The following ZMYND8 variants were observed in gnomAD, a reference collection of about 807,000 sequenced individuals.
The protein encoded by ZMYND8 is MYND-type zinc finger-containing chromatin reader ZMYND8.
ZMYND8 carries 37 observed loss-of-function variants against 140.8 expected under a neutral mutation model. The observed-to-expected ratio is 0.26, with a 90% CI of 0.20 to 0.35. The LOEUF (loss-of-function observed/expected upper bound fraction) is 0.35, where lower values mean the gene tolerates loss of function less well. ZMYND8 is among the 10% of genes least tolerant of loss of function. ZMYND8 has a pLI of 1.00. For synonymous variants in ZMYND8, 592 were observed against 597.1 expected, an observed-to-expected ratio of 0.99 and a Z score of 0.12; for missense variants, 1,068 against 1,570.0, an observed-to-expected ratio of 0.68 and a Z score of 5.40.
chr20:47,219,928 C>G (rs2036691976), intron 21 of ZMYND8, among the ~76,000 whole-genome samples: 1 of 152,068 alleles, frequency 6.6e-6, no homozygotes, highest in Non-Finnish European at 1.5e-5. Context: ...TCTCATTTCC[C>G]TGAGAGAGAG....
At chr20:47,219,942 A>G (rs1238021715) in intron 21 of ZMYND8, among the ~76,000 whole-genome samples, 2 of 151,426 alleles carry the variant, frequency 1.3e-5, no homozygotes, top group Non-Finnish European at 3.0e-5. Context: ...GAGAGAGAGA[A>G]AAAAAAAACT....
intron 4 of ZMYND8, among the ~76,000 whole-genome samples, chr20:47,296,083 C>T (rs2077617454): frequency 6.6e-6 from 1 of 152,048 alleles, no homozygotes; most frequent in African/African-American, 2.4e-5. Context: ...CTACCACAGC[C>T]TTGCAACGTT....
rs73912742 is a variant in ZMYND8 at position 47,224,190 on chromosome 20, G to C, written c.3256+127C>G. ...CTGTGTGTAAGACACAATTGTTTTT[G>C]AGTGAAAGTGTCCAGAAGCCAGGCA... On this transcript the variant is annotated intron_variant, in intron 19 of 22. Transcript: ENST00000471951. 1,706 of 1,455,014 alleles carry C rather than the reference G, an allele frequency of 1.2e-3. 10 individuals are homozygous for C. In the African/African-American group the frequency reaches 0.021, roughly 18 times the overall value. The allele number at this position is 1,455,014 out of a possible 1,614,324, so 90.1% of individuals were successfully genotyped here. A position where few individuals can be genotyped will look rare whatever the true frequency, so the allele number is the denominator to read the frequency against.
At chr20:47,354,449 T>G (rs1282880691) in intron 1 of ZMYND8, 1 of 152,212 alleles carries the variant, frequency 6.6e-6, no homozygotes, top group African/African-American at 2.4e-5. Flanking sequence ...AGAAAATAGC[T>G]GAGTGTCTGA....
At chr20:47,269,660 A>G (rs999447801) in intron 11 of ZMYND8, among the ~76,000 whole-genome samples, 1 of 152,258 alleles carries the variant, frequency 6.6e-6, no homozygotes, top group Non-Finnish European at 1.5e-5. Context: ...TGACTACAGT[A>G]GGAAACATGA....
At chr20:47,352,142 C>G (rs553720134) in intron 1 of ZMYND8, among the ~76,000 whole-genome samples, 95 of 152,252 alleles carry the variant, frequency 6.2e-4, no homozygotes, top group African/African-American at 2.3e-3. Flanking sequence ...CAAAAATGTT[C>G]CCAGGGAGCA....
chr20:47,314,480 AAGAG>A (rs1334871611), intron 2 of ZMYND8, among the ~76,000 whole-genome samples: 1 of 152,204 alleles, frequency 6.6e-6, no homozygotes, highest in Non-Finnish European at 1.5e-5. Flanking sequence ...GCCTGGGCGA[AAGAG>A]AGAGACTCCA....
At chr20:47,214,283 T>A (rs2035734553) in intron 21 of ZMYND8, among the ~76,000 whole-genome samples, 1 of 152,222 alleles carries the variant, frequency 6.6e-6, no homozygotes, top group Non-Finnish European at 1.5e-5. Context: ...ACTGCTTTGG[T>A]GAGAAAATCG....
chr20:47,273,858 A>G (rs755612229), intron 11 of ZMYND8, among the ~76,000 whole-genome samples: 2 of 152,198 alleles, frequency 1.3e-5, no homozygotes, highest in African/African-American at 2.4e-5. Flanking sequence ...AATACATACT[A>G]TCTAGCCCCT....
intron 2 of ZMYND8, among the ~76,000 whole-genome samples, chr20:47,316,492 A>C (rs2079407580): frequency 6.6e-6 from 1 of 151,822 alleles, no homozygotes; most frequent in Admixed American, 6.6e-5. Context: ...AGCCAAGAGT[A>C]TGAAGAGCTA....
At chr20:47,218,408 G>C (rs2036445148) in intron 21 of ZMYND8, among the ~76,000 whole-genome samples, 1 of 152,100 alleles carries the variant, frequency 6.6e-6, no homozygotes, top group Admixed American at 6.6e-5. Context: ...CACATCCATA[G>C]TCCTCTTACA....
intron 22 of ZMYND8, among the ~76,000 whole-genome samples, chr20:47,211,249 G>A (rs2035213148): frequency 6.6e-6 from 1 of 152,202 alleles, no homozygotes; most frequent in African/African-American, 2.4e-5. Flanking sequence ...AGCACCCCAT[G>A]CACTTCTGGG....
At chr20:47,303,664 C>T (rs2078254523) in intron 3 of ZMYND8, among the ~76,000 whole-genome samples, 1 of 152,040 alleles carries the variant, frequency 6.6e-6, no homozygotes, top group Admixed American at 6.5e-5. Flanking sequence ...CCACTGCACT[C>T]CAGCCTGTGT....
rs186473215 is a variant in ZMYND8 at position 47,260,199 on chromosome 20, A to C, written c.1621+2089T>G. On this transcript the variant is annotated intron_variant, in intron 12 of 22. Transcript: ENST00000471951. ...CACCCCAACCCCAGGTGTGACAACC[A>C]AAAATGTCTCCAAACATTGCCAGTG... 3.1e-3 allele frequency among the ~76,000 whole-genome samples: 470 copies of C among 152,236 alleles called. 2 individuals are homozygous for C. The highest frequency in any genetic ancestry group is 5.2e-3 in the Non-Finnish European group (354 of 67,998).
At chr20:47,318,413 G>A (rs975317739) in intron 2 of ZMYND8, 2 of 332,950 alleles carry the variant, frequency 6.0e-6, no homozygotes, top group African/African-American at 2.2e-5. Context: ...TACCCAAACA[G>A]GCCTCCCTTC....
intron 12 of ZMYND8, among the ~76,000 whole-genome samples, chr20:47,258,838 C>T (rs1423113469): frequency 1.3e-5 from 2 of 152,156 alleles, no homozygotes; most frequent in Non-Finnish European, 2.9e-5. Flanking sequence ...GCACTTCCAT[C>T]GGTCCCTAGC....
At chr20:47,216,071 G>A (rs926474969) in intron 21 of ZMYND8, among the ~76,000 whole-genome samples, 4 of 152,220 alleles carry the variant, frequency 2.6e-5, no homozygotes, top group Admixed American at 2.6e-4. Flanking sequence ...GAGGGCAGAG[G>A]AGCAGCCCTG....
intron 11 of ZMYND8, among the ~76,000 whole-genome samples, chr20:47,275,998 A>G (rs1411460062): frequency 6.6e-6 from 1 of 152,222 alleles, no homozygotes; most frequent in Non-Finnish European, 1.5e-5. Context: ...AATTTCAACT[A>G]AAACAAAATT....
intron 12 of ZMYND8, among the ~76,000 whole-genome samples, chr20:47,255,722 G>GTA (rs369654557): frequency 0.021 from 1,576 of 76,532 alleles, 24 homozygotes; most frequent in Non-Finnish European, 0.026. Context: ...GTGTATGTGT[G>GTA]TATATATATA....
Sources: gnomAD v4.1 joint callset for allele counts (sites outside exome capture counted in the v4.1 genomes callset) on GRCh38, gnomAD v4.1.1 for gene constraint, MANE v1.5 for transcripts, NCBI Gene and HGNC (gene_info 2026-07-23, HGNC 2026-07-21) for gene names.